RADX: variants seen among roughly 807,000 people sequenced by gnomAD.
The protein encoded by RADX is RPA-related protein RADX.
A neutral mutation model predicts 61.6 loss-of-function variants in RADX; 36 were observed. That is an observed-to-expected ratio of 0.58 (90% CI 0.45 to 0.77). RADX has a LOEUF of 0.77. Among genes scored for constraint, RADX ranks in the 30% least tolerant of loss-of-function variants. RADX has a pLI of 0.00. For synonymous variants in RADX, 272 were observed against 237.9 expected, an observed-to-expected ratio of 1.14 and a Z score of -1.32; for missense variants, 497 against 651.1, an observed-to-expected ratio of 0.76 and a Z score of 2.58.
chrX:106,662,342 A>G, intron 12 of RADX, 37 bp downstream of exon 12: 3 of 1,111,855 alleles, frequency 2.7e-6, no homozygotes, highest in Non-Finnish European at 3.6e-6. Context: ...CATTAATTTA[A>G]CATATTTTAA....
At chrX:106,673,658 G>A (rs182521712) in intron 13 of RADX, among the ~76,000 whole-genome samples, 2 of 104,812 alleles carry the variant, frequency 1.9e-5, no homozygotes, top group East Asian at 5.9e-4. Flanking sequence ...TGATGTCTCA[G>A]TAGGTTGTGT....
intron 12 of RADX, among the ~76,000 whole-genome samples, chrX:106,667,600 C>T (rs1264263833): frequency 1.8e-5 from 2 of 111,652 alleles, no homozygotes; most frequent in African/African-American, 6.5e-5. Context: ...GCTGGAATTA[C>T]AGGCATGAGC....
At chrX:106,636,075 T>A (rs762631296) in intron 6 of RADX, among the ~76,000 whole-genome samples, 2 of 111,224 alleles carry the variant, frequency 1.8e-5, no homozygotes, top group South Asian at 7.6e-4. Context: ...GTGGAAGGAG[T>A]TAGAGTAATT....
At chrX:106,674,960 G>A (rs1431060134) in intron 13 of RADX, among the ~76,000 whole-genome samples, 2 of 106,278 alleles carry the variant, frequency 1.9e-5, no homozygotes, top group Non-Finnish European at 3.9e-5. Flanking sequence ...GGAGGTGGAG[G>A]TTGCAGTGAG....
In RADX at chrX:106,679,116, G is replaced by A. The variant is rs1198890899; in HGVS notation, c.*858G>A. 2 of 111,819 alleles carry A rather than the reference G, an allele frequency of 1.8e-5. No individual in the cohort carries two copies. The highest frequency in any genetic ancestry group is 5.6e-4 in the East Asian group (2 of 3,589). The allele number at this position is 111,819 out of a possible 1,213,427, so 9.2% of individuals were successfully genotyped here. On this transcript the variant is annotated 3_prime_UTR_variant, in exon 14 of 14. Coordinates refer to ENST00000372548, the MANE Select transcript of RADX (RefSeq NM_018015.6). Reference sequence around the variant, plus strand: ...TAAATGGCCACTCTGCATTTGCAAGGCCCGGTGGTTGACATCTGTGTGGTT... The same window carrying A: ...TAAATGGCCACTCTGCATTTGCAAGACCCGGTGGTTGACATCTGTGTGGTT...
At chrX:106,675,750 C>T (rs180915008) in intron 13 of RADX, among the ~76,000 whole-genome samples, 114 of 111,947 alleles carry the variant, frequency 1.0e-3, no homozygotes, top group African/African-American at 3.6e-3. Context: ...TTAAAATGAA[C>T]CGAAGAGTAG....
chrX:106,625,031 A>T (rs949978945), intron 2 of RADX, 59 bp from the exon 3 acceptor site: 5 of 730,616 alleles, frequency 6.8e-6, no homozygotes, highest in East Asian at 7.1e-5. Context: ...TATGCTATAT[A>T]TTATCTGTAC....
chrX:106,677,082 G>A (rs1414295572), intron 13 of RADX, among the ~76,000 whole-genome samples: 1 of 112,122 alleles, frequency 8.9e-6, no homozygotes, highest in Non-Finnish European at 1.9e-5. Context: ...CACCAGAAAA[G>A]CCATCCCAGC....
At chrX:106,665,394 A>C (rs1464866970) in intron 12 of RADX, among the ~76,000 whole-genome samples, 1 of 112,300 alleles carries the variant, frequency 8.9e-6, no homozygotes, top group Non-Finnish European at 1.9e-5. Context: ...TTTGAAAAAA[A>C]CTTTATGTAC....
chrX:106,622,840 T>C, intron 2 of RADX, 47 bp downstream of exon 2: 1 of 752,487 alleles, frequency 1.3e-6, no homozygotes. Context: ...TTATAAATTA[T>C]AGCTTACACA....
At chrX:106,612,835 G>T (rs1755777974) in intron 1 of RADX, 112 bp downstream of exon 1, 1 of 761,564 alleles carries the variant, frequency 1.3e-6, no homozygotes, top group Non-Finnish European at 1.8e-6. Flanking sequence ...CAAGCCAGGA[G>T]TGGTAGGTAG....
chrX:106,670,845 CTT>C (rs1279893505), intron 13 of RADX, among the ~76,000 whole-genome samples: 1 of 110,596 alleles, frequency 9.0e-6, no homozygotes, highest in Non-Finnish European at 1.9e-5. Context: ...CGATTCCAAA[CTT>C]TTTCTTTCCT....
At position 106,678,981 on chromosome X, in the gene RADX, A is replaced by C. The variant is rs754845792; in HGVS notation, c.*723A>C. Reference sequence around the variant, plus strand: ...CAGTATATGTAATGTGAGTTTAAATAGTGAAATTGTATCTCATATTAACAT... The same window carrying C: ...CAGTATATGTAATGTGAGTTTAAATCGTGAAATTGTATCTCATATTAACAT... On this transcript the variant is annotated 3_prime_UTR_variant, in exon 14 of 14. Transcript: ENST00000372548. 5.3e-5 allele frequency: 6 copies of C among 112,483 alleles called. No individual in the cohort carries two copies. The highest frequency in any genetic ancestry group is 1.1e-4 in the Non-Finnish European group (6 of 53,205). 9.3% of individuals were successfully genotyped at this position (112,483 alleles called of 1,213,427 possible).
At chrX:106,669,725 TTCTC>T (rs1224162842) in intron 13 of RADX, among the ~76,000 whole-genome samples, 1 of 111,743 alleles carries the variant, frequency 8.9e-6, no homozygotes, top group Non-Finnish European at 1.9e-5. Flanking sequence ...AGTAAAATTA[TTCTC>T]TCTTATAAAT....
chrX:106,662,026 A>G lies in RADX; in HGVS notation c.1990A>G (p.Ile664Val). The change falls in exon 12 of 14, where the codon ATA (isoleucine) becomes GTA (valine). Residue 664 changes from isoleucine to valine, a missense_variant. This residue lies in a region of RADX where 267 missense variants were observed against 306.9 expected (regional missense o/e 0.87). Transcript: ENST00000372548. ...TGTGTCTTTAACAGGTCGAGCAAAT[A>G]TAAATGCTAATCTGCAAGGGAAAGC... is the stretch of plus-strand genomic sequence containing the variant. ...MPSIFNRRAN[I>V]NANLQGKARK... The G allele has an allele frequency of 8.3e-7, 1 of 1,209,690 alleles. No individual in the cohort carries two copies. Among genetic ancestry groups the G allele is most frequent in the South Asian group, 1.8e-5 (1 of 56,847 alleles).
intron 3 of RADX, among the ~76,000 whole-genome samples, chrX:106,626,179 A>C (rs1356769538): frequency 4.5e-5 from 5 of 111,459 alleles, no homozygotes; most frequent in African/African-American, 1.3e-4. Flanking sequence ...ACATTGCTTA[A>C]GTTTAAATAT....
intron 11 of RADX, among the ~76,000 whole-genome samples, chrX:106,654,524 A>C (rs1055333035): frequency 6.3e-5 from 7 of 111,477 alleles, no homozygotes; most frequent in African/African-American, 2.3e-4. Flanking sequence ...CCTATTTAAT[A>C]AATGGTGTTG....
intron 10 of RADX, among the ~76,000 whole-genome samples, chrX:106,643,344 T>C (rs1175845910): frequency 1.8e-5 from 2 of 111,192 alleles, no homozygotes; most frequent in Non-Finnish European, 3.8e-5. Context: ...TGTCAATCTA[T>C]TTGTCCATTT....
chrX:106,617,782 T>G lies in RADX; in HGVS notation c.644-4869T>G, dbSNP rs150508077. On this transcript the variant is annotated intron_variant, in intron 1 of 13. Coordinates refer to ENST00000372548, the MANE Select transcript of RADX (RefSeq NM_018015.6). ...CAGAAAAATAACTTAAGTGCTTCCT[T>G]ACTCTAAGAATTCACAAATAATATC... 1.5e-3 allele frequency among the ~76,000 whole-genome samples: 169 copies of G among 111,573 alleles called. 1 individual carries two copies. The East Asian group carries it at 0.016, about 11-fold the overall frequency.
Sources: allele counts gnomAD v4.1 joint callset (sites outside exome capture counted in the v4.1 genomes callset), GRCh38; gene constraint gnomAD v4.1.1; regional missense constraint gnomAD v4.1.1; transcripts MANE v1.5; gene names NCBI Gene and HGNC (gene_info 2026-07-23, HGNC 2026-07-21).